Variants in TOP2B observed in about 807,000 individuals in gnomAD.
TOP2B encodes DNA topoisomerase 2-beta.
A neutral mutation model predicts 193.5 loss-of-function variants in TOP2B; 51 were observed. The observed-to-expected ratio is 0.26, with a 90% CI of 0.21 to 0.33. The LOEUF (loss-of-function observed/expected upper bound fraction) is 0.33. TOP2B is among the 10% of genes least tolerant of loss of function. The pLI is 1.00. For missense variants in TOP2B, 1,378 were observed against 1,909.3 expected (o/e 0.72, Z 5.19); for synonymous variants, 634 against 635.7 (o/e 1.00, Z 0.04).
chr3:25,627,369 T>A (rs1702831079), intron 15 of TOP2B, 73 bp from the exon 16 acceptor site: 2 of 963,364 alleles, frequency 2.1e-6, no homozygotes, highest in East Asian at 2.6e-5. Flanking sequence ...AAAAAGCTGG[T>A]GGAAAAGTTG....
chr3:25,624,161 A>G lies in TOP2B; in HGVS notation c.2495+136T>C. On this transcript the variant is annotated intron_variant, in intron 20 of 35. Transcript: ENST00000264331. ...CAGACTTCATTCTATTTGTGGTCAA[A>G]TAATTTGGAACATTCACCTTCTAAG... The G allele has an allele frequency of 5.6e-6, 6 of 1,077,324 alleles. No homozygotes were observed. In the South Asian group the frequency reaches 8.2e-5, roughly 15 times the overall value. 66.7% of individuals were successfully genotyped at this position (1,077,324 alleles called of 1,614,324 possible).
At chr3:25,630,281 T>C (rs928112614) in intron 12 of TOP2B, 31 bp downstream of exon 12, 1 of 1,544,466 alleles carries the variant, frequency 6.5e-7, no homozygotes, top group Non-Finnish European at 8.7e-7. Flanking sequence ...TGCATGTGTG[T>C]ATACACATAT....
intron 1 of TOP2B, among the ~76,000 whole-genome samples, chr3:25,662,233 T>A (rs1040582944): frequency 6.6e-6 from 1 of 152,164 alleles, no homozygotes; most frequent in African/African-American, 2.4e-5. Flanking sequence ...TTGGGAAAAG[T>A]CCAACTAAAT....
In TOP2B at chr3:25,636,157, G is replaced by A; in HGVS notation, c.640-9C>T. On this transcript the variant is annotated splice_polypyrimidine_tract_variant and intron_variant, in intron 6 of 35. Coordinates refer to ENST00000264331, the MANE Select transcript of TOP2B (RefSeq NM_001330700.2). Reference sequence around the variant, plus strand: ...ATATTATTCATCCATGTCTTTAAAAGAAAAAAATTCAAATATTTCTATAAT... The same window carrying A: ...ATATTATTCATCCATGTCTTTAAAAAAAAAAAATTCAAATATTTCTATAAT... The A allele has an allele frequency of 6.5e-7, 1 of 1,528,070 alleles. No individual in the cohort carries two copies. The highest frequency in any genetic ancestry group is 1.4e-5 in the African/African-American group (1 of 71,932). The allele number at this position is 1,528,070 out of a possible 1,614,324, so 94.7% of individuals were successfully genotyped here.
intron 1 of TOP2B, among the ~76,000 whole-genome samples, chr3:25,646,038 T>C (rs1324154298): frequency 6.6e-6 from 1 of 151,808 alleles, no homozygotes; most frequent in Non-Finnish European, 1.5e-5. Context: ...CCCAAAGTGC[T>C]AGCATTACAG....
chr3:25,645,393 C>T lies in TOP2B; in HGVS notation c.147G>A (p.Leu49=). Residue 49 remains leucine, a synonymous_variant, in exon 2 of 36, where the codon TTG becomes TTA. Transcript: ENST00000264331. ...TCTTCTGATACACTCTCTCAACAGA[C>T]AACTTCTTTGAAGAATCATTTTTGT... ...TANKNDSSKK[L]SVERVYQKKT... The T allele has an allele frequency of 1.2e-6, 2 of 1,613,818 alleles. No homozygotes were observed.
At chr3:25,600,667 G>A (rs374173837) in intron 34 of TOP2B, among the ~76,000 whole-genome samples, 14 of 152,188 alleles carry the variant, frequency 9.2e-5, no homozygotes, top group East Asian at 7.7e-4. Context: ...GGGATGCCAT[G>A]GAGAACTGGT....
intron 21 of TOP2B, among the ~76,000 whole-genome samples, chr3:25,623,184 C>T (rs889808979): frequency 8.5e-5 from 13 of 152,082 alleles, no homozygotes; most frequent in African/African-American, 2.7e-4. Flanking sequence ...AACTATTAAG[C>T]GGTAGTTTGA....
At chr3:25,625,342 C>T (rs1297575397) in intron 18 of TOP2B, among the ~76,000 whole-genome samples, 2 of 152,158 alleles carry the variant, frequency 1.3e-5, no homozygotes, top group African/African-American at 2.4e-5. Context: ...AGTCTATGTC[C>T]TCATCCAAGT....
At chr3:25,634,088 G>C in intron 7 of TOP2B, 74 bp from the exon 8 acceptor site, 1 of 1,116,572 alleles carries the variant, frequency 9.0e-7, no homozygotes, top group Non-Finnish European at 1.3e-6. Flanking sequence ...CCTTCAGTAC[G>C]TATACTTTCA....
At position 25,628,888 on chromosome 3, in the gene TOP2B, T is replaced by G. The variant is rs376162589; in HGVS notation, c.1865A>C (p.His622Pro). Residue 622 changes from histidine to proline, a missense_variant, in exon 15 of 36, where the codon CAT becomes CCT. His to Pro is a moderately conservative substitution (Grantham distance 77, BLOSUM62 -2). Around this residue, in one of 9 missense-constraint regions of TOP2B, gnomAD observed 379 missense variants for 615.1 expected, o/e 0.62. Transcript: ENST00000264331. ...SIPEFDEWKK[H>P]IENQKAWKIK... is the part of the protein sequence containing the mutation. Reference sequence around the variant, plus strand: ...TTTCCAGGCTTTCTGGTTTTCTATATGTTTTTTCCATTCGTCAAATTCAGG... The same window carrying G: ...TTTCCAGGCTTTCTGGTTTTCTATAGGTTTTTTCCATTCGTCAAATTCAGG... The G allele has an allele frequency of 6.3e-7, 1 of 1,596,960 alleles. No homozygotes were observed. Among genetic ancestry groups the G allele is most frequent in the Non-Finnish European group, 8.5e-7 (1 of 1,174,736 alleles).
intron 4 of TOP2B, among the ~76,000 whole-genome samples, chr3:25,640,059 T>A (rs1703213583): frequency 6.6e-6 from 1 of 152,182 alleles, no homozygotes; most frequent in Non-Finnish European, 1.5e-5. Flanking sequence ...CAACAGCTCT[T>A]TTTCTCATTT....
chr3:25,651,705 A>G (rs1703594909), intron 1 of TOP2B, among the ~76,000 whole-genome samples: 1 of 152,038 alleles, frequency 6.6e-6, no homozygotes, highest in African/African-American at 2.4e-5. Flanking sequence ...CATCTCTACT[A>G]AAAATACAAA....
intron 27 of TOP2B, among the ~76,000 whole-genome samples, 158 bp from the exon 28 acceptor site, chr3:25,612,867 A>C (rs1702411962): frequency 6.6e-6 from 1 of 152,196 alleles, no homozygotes; most frequent in South Asian, 2.1e-4. Flanking sequence ...AAAAAAAATA[A>C]AGAATTCTAA....
Position 25,664,650 on chromosome 3 carries a change from C to G in TOP2B, c.-353G>C, listed in dbSNP as rs1375796964. 1 of 984,424 alleles carries G rather than the reference C, an allele frequency of 1.0e-6. No homozygotes were observed. The highest frequency in any genetic ancestry group is 6.2e-5 in the Admixed American group (1 of 16,184). The allele number at this position is 984,424 out of a possible 1,614,324, so 61.0% of individuals were successfully genotyped here. On this transcript the variant is annotated 5_prime_UTR_variant, in exon 1 of 36. Coordinates refer to ENST00000264331, the MANE Select transcript of TOP2B (RefSeq NM_001330700.2). ...GGCTGAAGCCCGGGCGTGCGAGCCGCGAGGGCGGCCGGGGAGCCCGAGGCG... is the reference window on the plus strand; with the variant it reads ...GGCTGAAGCCCGGGCGTGCGAGCCGGGAGGGCGGCCGGGGAGCCCGAGGCG...
intron 21 of TOP2B, among the ~76,000 whole-genome samples, chr3:25,621,700 G>C (rs1702661556): frequency 6.6e-6 from 1 of 151,764 alleles, no homozygotes; most frequent in Non-Finnish European, 1.5e-5. Context: ...AAGAAATCGA[G>C]TATATAGGCC....
chr3:25,635,709 C>G (rs1703088588), intron 7 of TOP2B, among the ~76,000 whole-genome samples: 1 of 151,572 alleles, frequency 6.6e-6, no homozygotes, highest in Admixed American at 6.6e-5. Context: ...GAACTGCAGA[C>G]AGTATCAAAT....
chr3:25,602,238 A>C (rs2125342091), intron 33 of TOP2B, among the ~76,000 whole-genome samples: 1 of 152,084 alleles, frequency 6.6e-6, no homozygotes, highest in Admixed American at 6.5e-5. Flanking sequence ...TCTACTAAAA[A>C]TACAAAAAAT....
At chr3:25,620,848 C>T in intron 21 of TOP2B, 32 bp from the exon 22 acceptor site, 1 of 1,606,432 alleles carries the variant, frequency 6.2e-7, no homozygotes, top group African/African-American at 1.3e-5. Context: ...GCATTGACTT[C>T]TCTCTTGAGT....
Sources: allele counts gnomAD v4.1 joint callset (sites outside exome capture counted in the v4.1 genomes callset), GRCh38; gene constraint gnomAD v4.1.1; regional missense constraint gnomAD v4.1.1; transcripts MANE v1.5; gene names NCBI Gene and HGNC (gene_info 2026-07-23, HGNC 2026-07-21).